MRE11: variants seen among roughly 807,000 people sequenced by gnomAD.
The protein encoded by MRE11 is double-strand break repair protein MRE11.
In MRE11, 62 loss-of-function variants were observed where a neutral mutation model predicts 91.7. The observed-to-expected ratio is 0.68, with a 90% CI of 0.55 to 0.84. The LOEUF is 0.84. Among genes scored for constraint, MRE11 ranks in the 40% least tolerant of loss-of-function variants. The pLI is 0.00. For synonymous variants in MRE11, 273 were observed against 271.4 expected (o/e 1.01, Z -0.06); for missense variants, 796 against 852.9 (o/e 0.93, Z 0.83).
intron 19 of MRE11, among the ~76,000 whole-genome samples, chr11:94,428,529 T>C (rs1455972131): frequency 6.6e-6 from 1 of 152,064 alleles, no homozygotes; most frequent in Non-Finnish European, 1.5e-5. Context: ...AAAATACAAA[T>C]GGACAAGTAG....
At chr11:94,478,313 CAGA>C (rs1359223139) in intron 6 of MRE11, among the ~76,000 whole-genome samples, 1 of 152,136 alleles carries the variant, frequency 6.6e-6, no homozygotes, top group South Asian at 2.1e-4. Flanking sequence ...CTTGCAGAAT[CAGA>C]TATAACATCC....
At chr11:94,459,752 G>C (rs994800716) in intron 12 of MRE11, among the ~76,000 whole-genome samples, 171 bp from the exon 13 acceptor site, 1 of 152,172 alleles carries the variant, frequency 6.6e-6, no homozygotes, top group African/African-American at 2.4e-5. Flanking sequence ...AACCAGAAAT[G>C]GGGGAGGAGT....
At chr11:94,505,298 A>T in the MRE11 span, among the ~76,000 whole-genome samples, 1 of 152,216 alleles carries the variant, frequency 6.6e-6, no homozygotes, top group Admixed American at 6.5e-5. Flanking sequence ...GAGATGACAT[A>T]GGAATAACTC....
At chr11:94,449,419 C>T (rs1946033669) in intron 14 of MRE11, among the ~76,000 whole-genome samples, 1 of 152,240 alleles carries the variant, frequency 6.6e-6, no homozygotes, top group Admixed American at 6.5e-5. Context: ...AATTCACCGA[C>T]TTGCCAAAAT....
intron 8 of MRE11, 85 bp from the exon 9 acceptor site, chr11:94,470,727 T>C: frequency 7.3e-7 from 1 of 1,363,702 alleles, no homozygotes; most frequent in Non-Finnish European, 1.0e-6. Flanking sequence ...ATTTCTTAGT[T>C]TCTAAAAATG....
chr11:94,430,415 T>C (rs928079428), intron 18 of MRE11, among the ~76,000 whole-genome samples: 1 of 152,168 alleles, frequency 6.6e-6, no homozygotes, highest in Admixed American at 6.5e-5. Flanking sequence ...CTGAAAACCA[T>C]GGGAACATTG....
chr11:94,477,739 G>A (rs1007884266), intron 6 of MRE11, among the ~76,000 whole-genome samples: 1 of 151,844 alleles, frequency 6.6e-6, no homozygotes, highest in Non-Finnish European at 1.5e-5. Context: ...TTGAAGGTAG[G>A]TAAGTAGGTA....
intron 14 of MRE11, among the ~76,000 whole-genome samples, chr11:94,455,189 A>C (rs924644966): frequency 2.6e-5 from 4 of 152,186 alleles, no homozygotes; most frequent in African/African-American, 9.6e-5. Context: ...AAAAGTCTAC[A>C]CTTGGAGTCA....
intron 3 of MRE11, among the ~76,000 whole-genome samples, chr11:94,488,022 C>A (rs182281314): frequency 2.6e-5 from 4 of 152,250 alleles, no homozygotes; most frequent in Non-Finnish European, 4.4e-5. Context: ...AAATATAATA[C>A]ACATCTAGAA....
chr11:94,421,569 A>G (rs1945172718), intron 19 of MRE11, among the ~76,000 whole-genome samples: 1 of 152,256 alleles, frequency 6.6e-6, no homozygotes, highest in African/African-American at 2.4e-5. Context: ...GGAATAAACA[A>G]TAATTGCTCA....
At chr11:94,490,693 T>G (rs1387302929) in intron 3 of MRE11, 140 bp downstream of exon 3, 12 of 951,004 alleles carry the variant, frequency 1.3e-5, no homozygotes, top group Non-Finnish European at 2.0e-5. Context: ...AAAATCAGCT[T>G]TGAGCTTTCA....
intron 4 of MRE11, among the ~76,000 whole-genome samples, chr11:94,482,554 G>A (rs925855543): frequency 6.6e-6 from 1 of 152,094 alleles, no homozygotes. Context: ...CAAAGAAATA[G>A]GTAAACATGT....
Position 94,482,511 on chromosome 11 carries a change from CA to C in MRE11, c.315-2751del, listed in dbSNP as rs778058142. On this transcript the variant is annotated intron_variant, in intron 4 of 19. Transcript: ENST00000323929. ...CAGAAAGAAGGAAACTGAATCTACACAAAAGAAATGAAATACAAGGAACAAC... is the reference window on the plus strand; with the variant it reads ...CAGAAAGAAGGAAACTGAATCTACACAAAGAAATGAAATACAAGGAACAAC... Among the ~76,000 whole-genome samples, 35 of 152,018 alleles carry C rather than the reference CA, an allele frequency of 2.3e-4. No individual in the cohort carries two copies. In the East Asian group the frequency reaches 3.1e-3, roughly 13 times the overall value.
rs1945033103 is a variant in MRE11, at chr11:94,416,467, A to G, written c.*3658T>C. 2 of 152,184 alleles carry G rather than the reference A, an allele frequency of 1.3e-5. No homozygotes were observed. Among genetic ancestry groups the G allele is most frequent in the South Asian group, 4.1e-4 (2 of 4,834 alleles). 9.4% of individuals were successfully genotyped at this position (152,184 alleles called of 1,614,324 possible). A position where few individuals can be genotyped will look rare whatever the true frequency, so the allele number is the denominator to read the frequency against. Reference sequence around the variant, plus strand: ...GAAATGTGGATCTTTTTCATTCAAGAATATGGAAACTCATTGGACTGAAAA... The same window carrying G: ...GAAATGTGGATCTTTTTCATTCAAGGATATGGAAACTCATTGGACTGAAAA... On this transcript the variant is annotated 3_prime_UTR_variant, in exon 20 of 20. Coordinates refer to ENST00000323929, the MANE Select transcript of MRE11 (RefSeq NM_005591.4).
the MRE11 span, chr11:94,512,402 G>T: frequency 9.3e-7 from 1 of 1,076,612 alleles, no homozygotes; most frequent in Non-Finnish European, 1.2e-6. Context: ...TAGGGCCTCG[G>T]AAGGCCGGCT....
chr11:94,453,259 C>T (rs180912147), intron 14 of MRE11, among the ~76,000 whole-genome samples: 9 of 152,204 alleles, frequency 5.9e-5, no homozygotes, highest in Admixed American at 3.3e-4. Context: ...TTCCACTTTT[C>T]GGCTATTGTG....
chr11:94,452,593 C>T (rs758495012), intron 14 of MRE11, among the ~76,000 whole-genome samples: 2 of 152,078 alleles, frequency 1.3e-5, no homozygotes, highest in Non-Finnish European at 1.5e-5. Context: ...TTTGTATTTT[C>T]CCTTTGTCTA....
intron 16 of MRE11, among the ~76,000 whole-genome samples, chr11:94,437,999 G>A (rs1945669969): frequency 6.6e-6 from 1 of 151,904 alleles, no homozygotes; most frequent in Non-Finnish European, 1.5e-5. Context: ...ATGGTGGCAG[G>A]TGCCTGTAAT....
At chr11:94,503,119 C>T in the MRE11 span, among the ~76,000 whole-genome samples, 2,009 of 152,162 alleles carry the variant, frequency 0.013, 48 homozygotes, top group African/African-American at 0.046. Context: ...ATAGGCACAA[C>T]GCTTGTAGAT....
Sources: gnomAD v4.1 joint callset for allele counts (sites outside exome capture counted in the v4.1 genomes callset) on GRCh38, gnomAD v4.1.1 for gene constraint, MANE v1.5 for transcripts, NCBI Gene and HGNC (gene_info 2026-07-23, HGNC 2026-07-21) for gene names.